The following TGFBRAP1 variants were observed in gnomAD, a reference collection of about 807,000 sequenced individuals.
The protein encoded by TGFBRAP1 is transforming growth factor-beta receptor-associated protein 1.
In TGFBRAP1, 20 loss-of-function variants were observed where a neutral mutation model predicts 83.2. The ratio of observed to expected loss-of-function variants is 0.24; its 90% CI spans 0.17 to 0.35. The LOEUF (loss-of-function observed/expected upper bound fraction) is 0.35. Ranked by LOEUF, TGFBRAP1 falls within the 10% of genes least tolerant of loss-of-function variation. TGFBRAP1 has a pLI of 1.00. For synonymous variants in TGFBRAP1, 415 were observed against 459.8 expected (o/e 0.90, Z 1.25); for missense variants, 950 against 1,099.4 (o/e 0.86, Z 1.92).
chr2:105,275,930 G>C (rs751641957), intron 7 of TGFBRAP1, among the ~76,000 whole-genome samples: 3 of 151,968 alleles, frequency 2.0e-5, no homozygotes, highest in Non-Finnish European at 4.4e-5. Flanking sequence ...TAAGCTCTAG[G>C]TTCTTTTATC....
intron 4 of TGFBRAP1, among the ~76,000 whole-genome samples, chr2:105,289,913 C>G (rs1677847052): frequency 2.0e-5 from 3 of 152,208 alleles, no homozygotes; most frequent in African/African-American, 7.2e-5. Context: ...CTGAAAGTGT[C>G]CATTTCCCCA....
At chr2:105,329,543 C>G (rs1244622761) in intron 1 of TGFBRAP1, 82 bp downstream of exon 1, 1 of 147,524 alleles carries the variant, frequency 6.8e-6, no homozygotes, top group African/African-American at 2.5e-5. Flanking sequence ...GCCTACCCCC[C>G]ACTCCTGCTC....
At chr2:105,255,705 C>T in the TGFBRAP1 span, among the ~76,000 whole-genome samples, 1 of 152,184 alleles carries the variant, frequency 6.6e-6, no homozygotes, top group South Asian at 2.1e-4. Flanking sequence ...GGGTCGCCAT[C>T]CACCTGTGCC....
rs1426927745 is a variant in TGFBRAP1, at chr2:105,267,319, C to T, written c.*64G>A. ...TGACACAGAGCATGGTGGTCATCTGCTCTTCATGTCCAGCAGGCTCAGAAA... is the reference window on the plus strand; with the variant it reads ...TGACACAGAGCATGGTGGTCATCTGTTCTTCATGTCCAGCAGGCTCAGAAA... On this transcript the variant is annotated 3_prime_UTR_variant, in exon 12 of 12. Transcript: ENST00000393359. 5 of 1,590,398 alleles carry T rather than the reference C, an allele frequency of 3.1e-6. No homozygotes were observed. In the African/African-American group the frequency reaches 6.7e-5, roughly 21 times the overall value.
At chr2:105,300,416 A>G (rs999760158) in intron 2 of TGFBRAP1, among the ~76,000 whole-genome samples, 1 of 150,164 alleles carries the variant, frequency 6.7e-6, no homozygotes. Context: ...CAACCAACAT[A>G]GGATAATGGA....
the TGFBRAP1 span, among the ~76,000 whole-genome samples, chr2:105,250,828 A>T: frequency 6.6e-6 from 1 of 152,154 alleles, no homozygotes; most frequent in East Asian, 1.9e-4. Flanking sequence ...TGGTTTTCGT[A>T]TTTTTTTGAT....
At chr2:105,276,810 G>A (rs3792043) in intron 7 of TGFBRAP1, among the ~76,000 whole-genome samples, 25,938 of 152,016 alleles carry the variant, frequency 0.17, 2,733 homozygotes, top group East Asian at 0.51. Context: ...TCTGCAATCA[G>A]GTTACCACAA....
chr2:105,255,585 T>C, the TGFBRAP1 span, among the ~76,000 whole-genome samples: 3 of 152,178 alleles, frequency 2.0e-5, no homozygotes, highest in Non-Finnish European at 4.4e-5. Flanking sequence ...CCTCCCAAAG[T>C]GGTGAGATTA....
chr2:105,294,165 T>A (rs1678005086), intron 4 of TGFBRAP1, among the ~76,000 whole-genome samples: 1 of 152,182 alleles, frequency 6.6e-6, no homozygotes, highest in South Asian at 2.1e-4. Context: ...CCGAATTCTT[T>A]TGAGGGTTAA....
At chr2:105,301,501 C>T (rs915342096) in intron 2 of TGFBRAP1, among the ~76,000 whole-genome samples, 1 of 151,794 alleles carries the variant, frequency 6.6e-6, no homozygotes, top group Non-Finnish European at 1.5e-5. Context: ...GCAGCAGAAT[C>T]ATTTGAACCC....
chr2:105,262,623 G>A (rs1481610920), downstream of TGFBRAP1, among the ~76,000 whole-genome samples: 2 of 152,210 alleles, frequency 1.3e-5, no homozygotes, highest in African/African-American at 4.8e-5. Flanking sequence ...CCACAGCCAG[G>A]TGTGTCAGAG....
At chr2:105,305,101 C>T (rs912196546) in intron 2 of TGFBRAP1, among the ~76,000 whole-genome samples, 1 of 152,166 alleles carries the variant, frequency 6.6e-6, no homozygotes, top group Non-Finnish European at 1.5e-5. Flanking sequence ...CCCCCTGTAC[C>T]ACTGTCGTGT....
At chr2:105,279,489 G>A (rs1360715232) in intron 6 of TGFBRAP1, among the ~76,000 whole-genome samples, 2 of 151,994 alleles carry the variant, frequency 1.3e-5, no homozygotes. Flanking sequence ...TCAAACTCCT[G>A]GGCTCAAGCA....
At chr2:105,279,719 G>A (rs551589916) in intron 6 of TGFBRAP1, among the ~76,000 whole-genome samples, 4 of 152,058 alleles carry the variant, frequency 2.6e-5, no homozygotes, top group South Asian at 2.1e-4. Flanking sequence ...AAGTGAATAC[G>A]AGGCTGACTA....
chr2:105,260,287 A>G (rs6724911), downstream of TGFBRAP1, among the ~76,000 whole-genome samples: 27,363 of 152,108 alleles, frequency 0.18, 2,786 homozygotes, highest in African/African-American at 0.27. Flanking sequence ...GCATGCGCCT[A>G]TAATCCTAGT....
At chr2:105,274,853 A>G (rs950907074) in intron 8 of TGFBRAP1, among the ~76,000 whole-genome samples, 5 of 152,198 alleles carry the variant, frequency 3.3e-5, no homozygotes, top group Admixed American at 1.3e-4. Flanking sequence ...TGCATCAGAA[A>G]GCTCATTTTG....
chr2:105,270,649 G>A (rs973301127), intron 10 of TGFBRAP1, among the ~76,000 whole-genome samples: 1 of 152,194 alleles, frequency 6.6e-6, no homozygotes, highest in Non-Finnish European at 1.5e-5. Context: ...GAAGAACATG[G>A]CAGACATTGC....
At chr2:105,273,074 C>A in intron 9 of TGFBRAP1, 60 bp from the exon 10 acceptor site, 1 of 1,579,634 alleles carries the variant, frequency 6.3e-7, no homozygotes, top group Admixed American at 1.8e-5. Flanking sequence ...AAAGTCAAAG[C>A]TCTCCCCTGT....
At chr2:105,271,602 T>C (rs939835487) in intron 10 of TGFBRAP1, among the ~76,000 whole-genome samples, 1 of 152,322 alleles carries the variant, frequency 6.6e-6, no homozygotes, top group African/African-American at 2.4e-5. Flanking sequence ...GTAACCTCTC[T>C]GGGCTTCAGT....
Sources: allele counts gnomAD v4.1 joint callset (sites outside exome capture counted in the v4.1 genomes callset), GRCh38; gene constraint gnomAD v4.1.1; transcripts MANE v1.5; gene names NCBI Gene and HGNC (gene_info 2026-07-23, HGNC 2026-07-21).